BTBD9: variants seen among roughly 807,000 people sequenced by gnomAD.
BTBD9 encodes BTB domain containing 9, also known as BTB/POZ domain-containing protein 9.
In BTBD9, 49 loss-of-function variants were observed where a neutral mutation model predicts 64.3. The observed-to-expected ratio is 0.76, with a 90% CI of 0.61 to 0.97. The LOEUF (loss-of-function observed/expected upper bound fraction) is 0.97. Among genes scored for constraint, BTBD9 ranks in the 50% least tolerant of loss-of-function variants. The pLI, the probability that BTBD9 is intolerant of heterozygous loss-of-function variation, is 0.00. For missense variants in BTBD9, 598 were observed against 762.1 expected (o/e 0.78, Z 2.53); for synonymous variants, 260 against 274.7 (o/e 0.95, Z 0.53).
intron 6 of BTBD9, among the ~76,000 whole-genome samples, chr6:38,400,344 C>A (rs563544829): frequency 6.6e-6 from 1 of 152,124 alleles, no homozygotes; most frequent in South Asian, 2.1e-4. Flanking sequence ...GTTTATATAC[C>A]CACGTTCCAC....
At chr6:38,454,664 G>A (rs944829838) in intron 6 of BTBD9, among the ~76,000 whole-genome samples, 5 of 151,784 alleles carry the variant, frequency 3.3e-5, no homozygotes, top group African/African-American at 1.2e-4. Context: ...TGGGCATGGT[G>A]GTGTGTGCCT....
chr6:38,358,257 T>C (rs1272808595), intron 6 of BTBD9, among the ~76,000 whole-genome samples: 1 of 151,872 alleles, frequency 6.6e-6, no homozygotes, highest in Non-Finnish European at 1.5e-5. Context: ...AGAGACAGGC[T>C]TGTCTGGTGT....
At chr6:38,271,015 T>C (rs1435062678) in intron 8 of BTBD9, among the ~76,000 whole-genome samples, 1 of 152,194 alleles carries the variant, frequency 6.6e-6, no homozygotes, top group Non-Finnish European at 1.5e-5. Flanking sequence ...AGTCTATTTT[T>C]CCCTTTTAAT....
intron 9 of BTBD9, among the ~76,000 whole-genome samples, chr6:38,254,359 T>C (rs1450385491): frequency 6.6e-6 from 1 of 152,074 alleles, no homozygotes; most frequent in Non-Finnish European, 1.5e-5. Flanking sequence ...ATAATGGTGA[T>C]GGTGTCAGAC....
chr6:38,455,428 C>T (rs749892007), intron 6 of BTBD9, among the ~76,000 whole-genome samples: 9 of 152,182 alleles, frequency 5.9e-5, no homozygotes, highest in African/African-American at 1.9e-4. Flanking sequence ...ACTCAGCTTC[C>T]GGAAGTCTTG....
intron 6 of BTBD9, among the ~76,000 whole-genome samples, chr6:38,480,472 A>G (rs1429328924): frequency 6.6e-6 from 1 of 152,230 alleles, no homozygotes; most frequent in African/African-American, 2.4e-5. Flanking sequence ...TCAAATGGGC[A>G]TTGGTGGGTT....
At chr6:38,211,513 T>TA (rs1045744802) in intron 9 of BTBD9, among the ~76,000 whole-genome samples, 1 of 151,342 alleles carries the variant, frequency 6.6e-6, no homozygotes, top group African/African-American at 2.4e-5. Flanking sequence ...GAGGCCTAGG[T>TA]AGATGGATCA....
At chr6:38,467,993 C>G (rs1770473150) in intron 6 of BTBD9, among the ~76,000 whole-genome samples, 1 of 152,100 alleles carries the variant, frequency 6.6e-6, no homozygotes, top group Non-Finnish European at 1.5e-5. Context: ...GTGGCTCTAC[C>G]TTTGTTTTTT....
chr6:38,564,332 T>C (rs1038883643), intron 6 of BTBD9, among the ~76,000 whole-genome samples: 2 of 152,190 alleles, frequency 1.3e-5, no homozygotes, highest in African/African-American at 4.8e-5. Flanking sequence ...TTAATTCTAG[T>C]CCCAGTACAG....
At chr6:38,626,378 G>A (rs960497502) in intron 1 of BTBD9, among the ~76,000 whole-genome samples, 1 of 152,086 alleles carries the variant, frequency 6.6e-6, no homozygotes, top group Non-Finnish European at 1.5e-5. Context: ...TAGTCACCTT[G>A]TTCTGTTTTC....
intron 6 of BTBD9, among the ~76,000 whole-genome samples, chr6:38,458,822 GT>G (rs1159912455): frequency 1.3e-5 from 2 of 152,014 alleles, no homozygotes; most frequent in Admixed American, 6.6e-5. Flanking sequence ...TATTGATTCT[GT>G]TTCCCCCCTC....
intron 6 of BTBD9, among the ~76,000 whole-genome samples, chr6:38,362,876 T>C (rs1436974173): frequency 6.6e-6 from 1 of 152,066 alleles, no homozygotes; most frequent in East Asian, 1.9e-4. Flanking sequence ...GAGATAAAAA[T>C]TCCTCTCTAG....
At chr6:38,490,889 C>G (rs1771674384) in intron 6 of BTBD9, among the ~76,000 whole-genome samples, 1 of 152,206 alleles carries the variant, frequency 6.6e-6, no homozygotes, top group African/African-American at 2.4e-5. Flanking sequence ...GGGCTTACTT[C>G]TAGTGCATAG....
At chr6:38,475,203 T>C (rs1015533611) in intron 6 of BTBD9, among the ~76,000 whole-genome samples, 1 of 152,200 alleles carries the variant, frequency 6.6e-6, no homozygotes, top group African/African-American at 2.4e-5. Flanking sequence ...AATGAAGTAC[T>C]GAATTAGTGG....
At chr6:38,357,013 T>C (rs1398432787) in intron 6 of BTBD9, among the ~76,000 whole-genome samples, 1 of 152,194 alleles carries the variant, frequency 6.6e-6, no homozygotes, top group Non-Finnish European at 1.5e-5. Context: ...CACTGAATCC[T>C]CCTATGGTAT....
intron 7 of BTBD9, among the ~76,000 whole-genome samples, chr6:38,323,180 T>C (rs897181743): frequency 2.0e-5 from 3 of 152,196 alleles, no homozygotes; most frequent in Non-Finnish European, 4.4e-5. Context: ...TACTCTAAAA[T>C]CTTTGGGTCA....
chr6:38,412,666 CTGG>C, intron 6 of BTBD9, among the ~76,000 whole-genome samples: 1 of 152,002 alleles, frequency 6.6e-6, no homozygotes, highest in Non-Finnish European at 1.5e-5. Context: ...TGAGACCAGC[CTGG>C]TGAACAGGGT....
chr6:38,304,239 A>G (rs766627242), intron 7 of BTBD9, among the ~76,000 whole-genome samples: 3 of 151,950 alleles, frequency 2.0e-5, no homozygotes, highest in Non-Finnish European at 4.4e-5. Context: ...TCTACTATCT[A>G]ATTCATAAGG....
chr6:38,482,974 G>A (rs529269018), intron 6 of BTBD9, among the ~76,000 whole-genome samples: 1 of 152,068 alleles, frequency 6.6e-6, no homozygotes, highest in Non-Finnish European at 1.5e-5. Context: ...TCTTCTCCTT[G>A]AGCTAGAGAT....
Sources: gnomAD v4.1 joint callset for allele counts (sites outside exome capture counted in the v4.1 genomes callset) on GRCh38, gnomAD v4.1.1 for gene constraint, MANE v1.5 for transcripts, NCBI Gene and HGNC (gene_info 2026-07-23, HGNC 2026-07-21) for gene names.